HMGN5: variants seen among roughly 807,000 people sequenced by gnomAD.
The protein encoded by HMGN5 is high mobility group nucleosome binding domain 5.
A neutral mutation model predicts 9.5 loss-of-function variants in HMGN5; 4 were observed. The observed-to-expected ratio is 0.42, with a 90% confidence interval of 0.21 to 0.96. The LOEUF is 0.96. Among genes scored for constraint, HMGN5 ranks in the 40% least tolerant of loss-of-function variants. The pLI is 0.30. For missense variants in HMGN5, 192 were observed against 187.5 expected, an observed-to-expected ratio of 1.02 and a Z score of -0.14; for synonymous variants, 55 against 57.1, an observed-to-expected ratio of 0.96 and a Z score of 0.16.
chrX:81,168,642 G>A lies in HMGN5; in HGVS notation c.-124+33095C>T, dbSNP rs765280358. Among the ~76,000 whole-genome samples, 21 of 111,722 alleles carry A rather than the reference G, an allele frequency of 1.9e-4. No homozygotes were observed. In the South Asian group the frequency reaches 4.9e-3, roughly 26 times the overall value. On this transcript the variant is annotated intron_variant, in intron 1 of 6. Transcript: ENST00000358130. ...TGATGAGTACTATTGTAGACTTTGC[G>A]TCTCCCCTTTCAGTATGAAATGAAT...
intron 1 of HMGN5, among the ~76,000 whole-genome samples, chrX:81,139,909 A>T (rs2075323366): frequency 8.9e-6 from 1 of 112,139 alleles, no homozygotes; most frequent in Non-Finnish European, 1.9e-5. Context: ...CTTGAAAGAC[A>T]GTCTATGACA....
At chrX:81,159,688 A>AT (rs754456117) in intron 1 of HMGN5, among the ~76,000 whole-genome samples, 4,576 of 103,681 alleles carry the variant, frequency 0.044, 146 homozygotes, top group African/African-American at 0.11. Flanking sequence ...GTGAAATTCT[A>AT]TTTTTTTTTT....
chrX:81,114,539 A>G lies in HMGN5; in HGVS notation c.*110T>C. ...ATGAAGATGTTCTGAAATTAAATCA[A>G]TGCTAAAGAAAGGCTGTGTTTATAA... On this transcript the variant is annotated 3_prime_UTR_variant, in exon 7 of 7. Transcript: ENST00000358130. 1 of 693,186 alleles carries G rather than the reference A, an allele frequency of 1.4e-6. No homozygotes were observed. Among genetic ancestry groups the G allele is most frequent in the Non-Finnish European group, 2.0e-6 (1 of 510,629 alleles). 57.1% of individuals were successfully genotyped at this position (693,186 alleles called of 1,213,427 possible).
chrX:81,196,699 G>A (rs1712528118), intron 1 of HMGN5, among the ~76,000 whole-genome samples: 4 of 109,882 alleles, frequency 3.6e-5, no homozygotes, highest in African/African-American at 9.9e-5. Flanking sequence ...CCACCACCAC[G>A]CCTGGCTAAT....
At chrX:81,162,106 C>T (rs1486273936) in intron 1 of HMGN5, among the ~76,000 whole-genome samples, 1 of 110,865 alleles carries the variant, frequency 9.0e-6, no homozygotes, top group Admixed American at 9.7e-5. Flanking sequence ...ATCTTAAGGA[C>T]AGATACAGAT....
chrX:81,139,798 C>T (rs935604604), intron 1 of HMGN5, among the ~76,000 whole-genome samples: 5 of 112,200 alleles, frequency 4.5e-5, no homozygotes, highest in Non-Finnish European at 9.4e-5. Context: ...AGCATTTAAA[C>T]CAGCCCTAGT....
chrX:81,134,352 A>T (rs1357072530), intron 1 of HMGN5, among the ~76,000 whole-genome samples: 1 of 111,395 alleles, frequency 9.0e-6, no homozygotes, highest in Admixed American at 9.6e-5. Context: ...TAATTACTTA[A>T]TTATTTTAAA....
chrX:81,162,998 A>T (rs970694836), intron 1 of HMGN5, among the ~76,000 whole-genome samples: 4 of 111,414 alleles, frequency 3.6e-5, no homozygotes, highest in Non-Finnish European at 7.5e-5. Context: ...GTTCCCCTCC[A>T]TTCAATCTGA....
intron 1 of HMGN5, among the ~76,000 whole-genome samples, chrX:81,141,397 G>T (rs2075329052): frequency 9.1e-6 from 1 of 110,340 alleles, no homozygotes; most frequent in Non-Finnish European, 1.9e-5. Context: ...ACCCAGCTCA[G>T]TTATAGTGGC....
At chrX:81,138,886 T>C (rs1012476406) in intron 1 of HMGN5, among the ~76,000 whole-genome samples, 1 of 111,644 alleles carries the variant, frequency 9.0e-6, no homozygotes, top group African/African-American at 3.3e-5. Flanking sequence ...TTACAATTGT[T>C]AGAAAGAAAA....
chrX:81,149,011 C>A (rs1471844422), intron 1 of HMGN5, among the ~76,000 whole-genome samples: 1 of 111,697 alleles, frequency 9.0e-6, no homozygotes, highest in East Asian at 2.8e-4. Flanking sequence ...GAAATAGGAA[C>A]ACTTTTACAC....
In HMGN5 at chrX:81,154,815, G is replaced by A. The variant is rs182884909; in HGVS notation, c.-123-33143C>T. 2.7e-5 allele frequency among the ~76,000 whole-genome samples: 3 copies of A among 110,030 alleles called. No homozygotes were observed. The East Asian group carries it at 8.6e-4, about 31-fold the overall frequency. ...GAGAAATTCAAATCAAAACTACAAT[G>A]AGATATCATTTCACCTCAGTTAAAA... is the stretch of plus-strand genomic sequence containing the variant. On this transcript the variant is annotated intron_variant, in intron 1 of 6. Transcript: ENST00000358130.
intron 1 of HMGN5, among the ~76,000 whole-genome samples, chrX:81,178,419 A>G (rs1336914040): frequency 2.7e-5 from 3 of 112,013 alleles, no homozygotes; most frequent in Non-Finnish European, 3.8e-5. Flanking sequence ...CCCTCAGAGA[A>G]TACTATAGAC....
chrX:81,195,678 G>C (rs2075506158), intron 1 of HMGN5, among the ~76,000 whole-genome samples: 2 of 111,197 alleles, frequency 1.8e-5, no homozygotes, highest in Non-Finnish European at 3.8e-5. Flanking sequence ...CGGAAGAGTG[G>C]GGCAGTAACC....
intron 1 of HMGN5, among the ~76,000 whole-genome samples, chrX:81,167,745 G>A (rs1224908826): frequency 8.9e-6 from 1 of 111,914 alleles, no homozygotes; most frequent in African/African-American, 3.2e-5. Context: ...TCTATGTAAG[G>A]GAAGTAGAAA....
At chrX:81,179,991 G>C (rs2075456716) in intron 1 of HMGN5, among the ~76,000 whole-genome samples, 1 of 111,519 alleles carries the variant, frequency 9.0e-6, no homozygotes, top group Non-Finnish European at 1.9e-5. Flanking sequence ...GGGAAAACTG[G>C]CTAGCCATAT....
chrX:81,149,190 G>A (rs1007120726), intron 1 of HMGN5, among the ~76,000 whole-genome samples: 1 of 111,667 alleles, frequency 9.0e-6, no homozygotes, highest in Non-Finnish European at 1.9e-5. Context: ...TATGTTTACT[G>A]TAGCACTGTT....
chrX:81,162,362 G>GAAAA (rs199803467), intron 1 of HMGN5, among the ~76,000 whole-genome samples: 8 of 57,440 alleles, frequency 1.4e-4, no homozygotes, highest in African/African-American at 4.7e-4. Context: ...AAAACAAACT[G>GAAAA]AAAAAAAAAA....
chrX:81,143,219 G>T (rs2075334317), intron 1 of HMGN5, among the ~76,000 whole-genome samples: 1 of 111,570 alleles, frequency 9.0e-6, no homozygotes. Flanking sequence ...GAGAAAGAAA[G>T]AAGAGAACAC....
Sources: allele counts gnomAD v4.1 joint callset (sites outside exome capture counted in the v4.1 genomes callset), GRCh38; gene constraint gnomAD v4.1.1; transcripts MANE v1.5; gene names NCBI Gene and HGNC (gene_info 2026-07-23, HGNC 2026-07-21).